Variants in CFAP299 observed in about 807,000 individuals in gnomAD.
CFAP299 encodes the protein cilia and flagella associated protein 299.
CFAP299 carries 21 observed loss-of-function variants against 27.0 expected under a neutral mutation model. The ratio of observed to expected loss-of-function variants is 0.78; its 90% CI spans 0.55 to 1.12. The LOEUF is 1.12. Among genes scored for constraint, CFAP299 ranks in the 50% most tolerant of loss-of-function variants. CFAP299 has a pLI of 0.00. For missense variants in CFAP299, 310 were observed against 276.6 expected (o/e 1.12, Z -0.86); for synonymous variants, 104 against 98.1 (o/e 1.06, Z -0.36).
chr4:80,621,893 G>T (rs746266889), intron 3 of CFAP299, among the ~76,000 whole-genome samples: 1 of 152,050 alleles, frequency 6.6e-6, no homozygotes, highest in Non-Finnish European at 1.5e-5. Context: ...GGTGAGGACT[G>T]CTAAGGGGAG....
At chr4:80,564,087 A>C (rs1735167595) in intron 2 of CFAP299, among the ~76,000 whole-genome samples, 1 of 152,016 alleles carries the variant, frequency 6.6e-6, no homozygotes, top group Admixed American at 6.6e-5. Flanking sequence ...CTTCACTGTT[A>C]AATTCTCACA....
intron 4 of CFAP299, among the ~76,000 whole-genome samples, chr4:80,937,509 T>C (rs1578252725): frequency 1.3e-5 from 2 of 151,588 alleles, no homozygotes; most frequent in South Asian, 4.2e-4. Context: ...TGTAGAGACA[T>C]GGTTTCACCA....
intron 2 of CFAP299, among the ~76,000 whole-genome samples, chr4:80,372,625 A>C (rs968166525): frequency 6.6e-6 from 1 of 152,186 alleles, no homozygotes; most frequent in Non-Finnish European, 1.5e-5. Context: ...GCAGGCCCCC[A>C]GAGCTTTGTA....
chr4:80,473,116 C>T (rs932007127), intron 2 of CFAP299, among the ~76,000 whole-genome samples: 5 of 152,030 alleles, frequency 3.3e-5, no homozygotes, highest in African/African-American at 1.2e-4. Flanking sequence ...TACAATATTA[C>T]ATAAATACAA....
chr4:80,699,934 C>T (rs970041085), intron 3 of CFAP299, among the ~76,000 whole-genome samples: 1 of 152,008 alleles, frequency 6.6e-6, no homozygotes, highest in Non-Finnish European at 1.5e-5. Flanking sequence ...TTAGATACCT[C>T]CTTTTGGAAG....
intron 2 of CFAP299, among the ~76,000 whole-genome samples, chr4:80,578,429 G>A (rs375214101): frequency 1.3e-5 from 2 of 151,944 alleles, no homozygotes; most frequent in Non-Finnish European, 1.5e-5. Flanking sequence ...TCTCTGCTTC[G>A]GATAGCTTTG....
At chr4:80,812,689 T>C (rs1729218727) in intron 3 of CFAP299, among the ~76,000 whole-genome samples, 1 of 152,092 alleles carries the variant, frequency 6.6e-6, no homozygotes, top group African/African-American at 2.4e-5. Context: ...GGTTTCAAAC[T>C]GATAAAAACT....
At chr4:80,894,699 A>T (rs1474017531) in intron 4 of CFAP299, among the ~76,000 whole-genome samples, 9 of 151,960 alleles carry the variant, frequency 5.9e-5, no homozygotes, top group East Asian at 1.9e-4. Context: ...ATATATATTT[A>T]AAAAAATGTA....
At chr4:80,692,886 G>A (rs1418664994) in intron 3 of CFAP299, among the ~76,000 whole-genome samples, 2 of 151,572 alleles carry the variant, frequency 1.3e-5, no homozygotes, top group African/African-American at 4.8e-5. Flanking sequence ...AGTGGGTGAA[G>A]GACATGAACA....
chr4:80,670,225 G>A (rs776798026), intron 3 of CFAP299, among the ~76,000 whole-genome samples: 1 of 150,888 alleles, frequency 6.6e-6, no homozygotes, highest in African/African-American at 2.4e-5. Context: ...ACCTATGTAT[G>A]AAAACATGCA....
At chr4:80,561,191 C>T (rs1428823561) in intron 2 of CFAP299, among the ~76,000 whole-genome samples, 1 of 152,106 alleles carries the variant, frequency 6.6e-6, no homozygotes, top group Admixed American at 6.6e-5. Context: ...AGTGAATTCT[C>T]CTGGAACTTG....
At position 80,360,557 on chromosome 4, in the gene CFAP299, C is replaced by T. The variant is rs1442464987; in HGVS notation, c.112-2197C>T. ...TATATGATGTGGATGATATGTTTGTCGTATATCTTTAGGTTTTCCACAACA... is the reference window on the plus strand; with the variant it reads ...TATATGATGTGGATGATATGTTTGTTGTATATCTTTAGGTTTTCCACAACA... On this transcript the variant is annotated intron_variant, in intron 1 of 5. Transcript: ENST00000358105. Among the ~76,000 whole-genome samples the T allele has an allele frequency of 2.6e-5, 4 of 152,136 alleles. No homozygotes were observed. The South Asian group carries it at 6.2e-4, about 24-fold the overall frequency.
At chr4:80,569,314 G>T (rs1400165276) in intron 2 of CFAP299, among the ~76,000 whole-genome samples, 1 of 152,038 alleles carries the variant, frequency 6.6e-6, no homozygotes, top group Non-Finnish European at 1.5e-5. Flanking sequence ...TGGGTGTTCA[G>T]GCAAATGGTG....
At chr4:80,649,016 G>A (rs1172463164) in intron 3 of CFAP299, 1 of 152,114 alleles carries the variant, frequency 6.6e-6, no homozygotes, top group Non-Finnish European at 1.5e-5. Flanking sequence ...AAGAAGATAA[G>A]GGAGACTTCA....
chr4:80,675,955 C>A (rs1482512822), intron 3 of CFAP299, among the ~76,000 whole-genome samples: 2 of 152,146 alleles, frequency 1.3e-5, no homozygotes, highest in Admixed American at 6.5e-5. Context: ...CATGACTTCC[C>A]TTTGCTAGGA....
At chr4:80,567,294 C>T (rs1220364318) in intron 2 of CFAP299, among the ~76,000 whole-genome samples, 2 of 152,042 alleles carry the variant, frequency 1.3e-5, no homozygotes, top group Non-Finnish European at 2.9e-5. Context: ...TTTTCCTGCT[C>T]AGTGGAAATT....
chr4:80,327,035 A>G, the CFAP299 span, among the ~76,000 whole-genome samples: 2 of 152,178 alleles, frequency 1.3e-5, no homozygotes, highest in Non-Finnish European at 2.9e-5. Context: ...CACTAGGCAG[A>G]CGTTATCTTT....
rs1255026073 is a variant in CFAP299 at position 80,396,720 on chromosome 4, G to A, written c.242+33836G>A. On this transcript the variant is annotated intron_variant, in intron 2 of 5. Coordinates refer to ENST00000358105, the MANE Select transcript of CFAP299 (RefSeq NM_152770.3). ...ATGTTGAACCAGCCTTGCATCCCAG[G>A]GATGAAGCCCACTTGATCATGGTGG... Among the ~76,000 whole-genome samples the A allele has an allele frequency of 4.6e-5, 7 of 152,258 alleles. No homozygotes were observed. The East Asian group carries it at 9.6e-4, about 21-fold the overall frequency.
chr4:80,793,497 A>ATCCTTCAATCCAAT (rs1560754601), intron 3 of CFAP299, among the ~76,000 whole-genome samples: 2 of 151,980 alleles, frequency 1.3e-5, no homozygotes, highest in African/African-American at 4.8e-5. Flanking sequence ...AATCAAGTTG[A>ATCCTTCAATCCAAT]CAGTATTAAC....
Sources: allele counts gnomAD v4.1 joint callset (sites outside exome capture counted in the v4.1 genomes callset), GRCh38; gene constraint gnomAD v4.1.1; transcripts MANE v1.5; gene names NCBI Gene and HGNC (gene_info 2026-07-23, HGNC 2026-07-21).